Variants in VPS13A observed in about 807,000 individuals in gnomAD.
VPS13A encodes vacuolar protein sorting 13 homolog A.
In VPS13A, 264 loss-of-function variants were observed where a neutral mutation model predicts 390.9. The ratio of observed to expected loss-of-function variants is 0.68; its 90% CI spans 0.61 to 0.75. The LOEUF (loss-of-function observed/expected upper bound fraction) is 0.75. Among genes scored for constraint, VPS13A ranks in the 30% least tolerant of loss-of-function variants. VPS13A has a pLI of 0.00. For synonymous variants in VPS13A, 1,231 were observed against 1,227.1 expected (o/e 1.00, Z -0.07); for missense variants, 3,409 against 3,733.9 (o/e 0.91, Z 2.27).
At chr9:77,186,657 T>G (rs1824357496) in intron 1 of VPS13A, among the ~76,000 whole-genome samples, 1 of 152,154 alleles carries the variant, frequency 6.6e-6, no homozygotes, top group Non-Finnish European at 1.5e-5. Flanking sequence ...AGAATGGTCT[T>G]GATCTCTTGA....
chr9:77,313,041 C>G (rs1829182960), intron 35 of VPS13A, among the ~76,000 whole-genome samples: 1 of 152,056 alleles, frequency 6.6e-6, no homozygotes, highest in Non-Finnish European at 1.5e-5. Context: ...AAATGTTCAT[C>G]AATAGGAGGA....
chr9:77,205,264 T>G (rs749730342), intron 3 of VPS13A, 49 bp from the exon 4 acceptor site: 1 of 1,052,430 alleles, frequency 9.5e-7, no homozygotes, highest in Non-Finnish European at 1.4e-6. Flanking sequence ...AAATGCAGGT[T>G]GAAGGAGTAA....
chr9:77,271,873 T>C (rs1362488596), intron 23 of VPS13A, among the ~76,000 whole-genome samples: 1 of 152,184 alleles, frequency 6.6e-6, no homozygotes, highest in African/African-American at 2.4e-5. Context: ...TAAGGTAACA[T>C]AGTTGTTACT....
chr9:77,337,487 C>T lies in VPS13A; in HGVS notation c.6328C>T (p.Pro2110Ser). The T allele has an allele frequency of 1.9e-6, 3 of 1,613,494 alleles. No homozygotes were observed. The highest frequency in any genetic ancestry group is 2.5e-6 in the Non-Finnish European group (3 of 1,179,732). ...DLPYIMHLWPPILLRNLLPYK... is the reference protein window; with the variant it reads ...DLPYIMHLWPSILLRNLLPYK... ...ACCATACATAATGCATTTGTGGCCACCTATCCTGCTCCGAAATCTTCTTCC... is the reference window on the plus strand; with the variant it reads ...ACCATACATAATGCATTTGTGGCCATCTATCCTGCTCCGAAATCTTCTTCC... Residue 2110 changes from proline to serine, a missense_variant, in exon 47 of 72, where the codon CCT (proline) becomes TCT (serine). By Grantham distance (74) the Pro-to-Ser change is moderately conservative. This residue lies in a region of VPS13A where 2,717 missense variants were observed against 2,917.4 expected (regional missense o/e 0.93). Transcript: ENST00000360280.
chr9:77,419,780 G>A lies in VPS13A; in HGVS notation c.*3774G>A. The A allele has an allele frequency of 6.6e-6, 1 of 152,140 alleles. No homozygotes were observed. The highest frequency in any genetic ancestry group is 1.9e-4 in the East Asian group (1 of 5,194). 9.4% of individuals were successfully genotyped at this position (152,140 alleles called of 1,614,324 possible). On this transcript the variant is annotated 3_prime_UTR_variant, in exon 72 of 72. Transcript: ENST00000360280. ...TATAATAGAACTGGGGACATACATT[G>A]TCCTTTTGAGTCCGTTGAATCTGCA...
At chr9:77,292,092 T>A (rs767584220) in intron 31 of VPS13A, among the ~76,000 whole-genome samples, 15 of 152,134 alleles carry the variant, frequency 9.9e-5, no homozygotes, top group Non-Finnish European at 2.2e-4. Context: ...TTGATAATCT[T>A]GGTGGTGCTT....
At chr9:77,334,890 A>G (rs1830462067) in intron 46 of VPS13A, among the ~76,000 whole-genome samples, 1 of 152,224 alleles carries the variant, frequency 6.6e-6, no homozygotes, top group Admixed American at 6.5e-5. Flanking sequence ...TATATGCTTC[A>G]GTCAGGTAAG....
At chr9:77,413,468 C>T (rs537102453) in intron 71 of VPS13A, among the ~76,000 whole-genome samples, 25 of 152,208 alleles carry the variant, frequency 1.6e-4, no homozygotes, top group Admixed American at 1.3e-3. Flanking sequence ...TTTGACAAAC[C>T]TGACAAAAAC....
intron 6 of VPS13A, among the ~76,000 whole-genome samples, chr9:77,209,874 A>G (rs1478937670): frequency 1.3e-5 from 2 of 152,308 alleles, no homozygotes; most frequent in South Asian, 2.1e-4. Flanking sequence ...CTAGCCTTAA[A>G]TAATTCCTTG....
chr9:77,320,174 G>A (rs1829658436), intron 42 of VPS13A, among the ~76,000 whole-genome samples: 1 of 152,106 alleles, frequency 6.6e-6, no homozygotes. Flanking sequence ...TATTTAACAT[G>A]TGAAGGGACT....
intron 13 of VPS13A, 48 bp from the exon 14 acceptor site, chr9:77,225,878 G>T: frequency 6.9e-7 from 1 of 1,446,468 alleles, no homozygotes; most frequent in Non-Finnish European, 9.7e-7. Context: ...AGTTAATTAT[G>T]TAAAGTTATT....
At chr9:77,241,049 A>G (rs993368749) in intron 19 of VPS13A, among the ~76,000 whole-genome samples, 1 of 152,158 alleles carries the variant, frequency 6.6e-6, no homozygotes, top group African/African-American at 2.4e-5. Flanking sequence ...GATTTCATGA[A>G]TCTGAGTACT....
In VPS13A at chr9:77,317,808, G is replaced by T. The variant is rs530117704; in HGVS notation, c.4956+110G>T. ...ATTGTTATGCAAACAAAATAGGTGTGTTTTTGAAAATACGTTTTTATGAGA... is the reference window on the plus strand; with the variant it reads ...ATTGTTATGCAAACAAAATAGGTGTTTTTTTGAAAATACGTTTTTATGAGA... On this transcript the variant is annotated intron_variant, in intron 40 of 71. Transcript: ENST00000360280. 33 of 703,210 alleles carry T rather than the reference G, an allele frequency of 4.7e-5. 1 individual carries two copies. Among genetic ancestry groups the T allele is most frequent in the Non-Finnish European group, 6.7e-5 (30 of 445,380 alleles). The allele number at this position is 703,210 out of a possible 1,614,324, so 43.6% of individuals were successfully genotyped here. A position where few individuals can be genotyped will look rare whatever the true frequency, so the allele number is the denominator to read the frequency against.
chr9:77,245,751 G>A (rs1824769535), intron 19 of VPS13A, among the ~76,000 whole-genome samples: 1 of 152,196 alleles, frequency 6.6e-6, no homozygotes, highest in African/African-American at 2.4e-5. Context: ...TCAAGGAAGA[G>A]CTGTCCCAGA....
chr9:77,407,875 T>A (rs1353177372), intron 71 of VPS13A, among the ~76,000 whole-genome samples: 1 of 152,164 alleles, frequency 6.6e-6, no homozygotes, highest in Non-Finnish European at 1.5e-5. Context: ...TAATTTTTTT[T>A]AATAAAAAAG....
At chr9:77,345,650 C>G (rs1257318170) in intron 52 of VPS13A, among the ~76,000 whole-genome samples, 2 of 152,154 alleles carry the variant, frequency 1.3e-5, no homozygotes, top group East Asian at 3.9e-4. Flanking sequence ...AGTGCCACTA[C>G]AGGTTATGCA....
chr9:77,332,683 CAAGT>C (rs1460410051), intron 46 of VPS13A, among the ~76,000 whole-genome samples: 27 of 151,822 alleles, frequency 1.8e-4, no homozygotes, highest in Admixed American at 1.6e-3. Context: ...TATATCATAA[CAAGT>C]AAGTATTAGT....
intron 52 of VPS13A, chr9:77,351,021 T>C: frequency 2.9e-6 from 1 of 339,350 alleles, no homozygotes; most frequent in Non-Finnish European, 5.6e-6. Flanking sequence ...TAGGGTAAAA[T>C]AGTTGGAATA....
At chr9:77,233,493 GAGGT>G (rs1336783537) in intron 17 of VPS13A, among the ~76,000 whole-genome samples, 12 of 152,034 alleles carry the variant, frequency 7.9e-5, no homozygotes, top group African/African-American at 2.9e-4. Flanking sequence ...AGTGTAAAGT[GAGGT>G]TATTGATTTG....
Sources: gnomAD v4.1 joint callset for allele counts (sites outside exome capture counted in the v4.1 genomes callset) on GRCh38, gnomAD v4.1.1 for gene constraint, gnomAD v4.1.1 regional missense constraint, MANE v1.5 for transcripts, NCBI Gene and HGNC (gene_info 2026-07-23, HGNC 2026-07-21) for gene names.